The following STX1A variants were observed in gnomAD, a reference collection of about 807,000 sequenced individuals.
The protein encoded by STX1A is syntaxin 1A.
In STX1A, 4 loss-of-function variants were observed where a neutral mutation model predicts 37.8. The ratio of observed to expected loss-of-function variants is 0.11; its 90% confidence interval spans 0.05 to 0.24. The LOEUF (loss-of-function observed/expected upper bound fraction) is 0.24. STX1A is among the 10% of genes least tolerant of loss of function. STX1A has a pLI of 1.00. For missense variants in STX1A, 251 were observed against 399.9 expected, an observed-to-expected ratio of 0.63 and a Z score of 3.18; for synonymous variants, 135 against 147.4, an observed-to-expected ratio of 0.92 and a Z score of 0.61.
Position 73,702,353 on chromosome 7 carries a change from C to CTTCA in STX1A, c.678+488_678+491dup, listed in dbSNP as rs1409276485. ...TTGTCAGAGAGGCACCTTCCTGGAC[C>CTTCA]TTCACCTCAGCTGCCAGTCTCTGGG... On this transcript the variant is annotated intron_variant, in intron 8 of 9. Transcript: ENST00000222812. This position sits in a 1 kb window ranked among gnomAD's most constrained non-coding sequence, Gnocchi z 4.7. Among the ~76,000 whole-genome samples the CTTCA allele has an allele frequency of 2.6e-5, 4 of 152,176 alleles. No homozygotes were observed. Among genetic ancestry groups the CTTCA allele is most frequent in the African/African-American group, 9.7e-5 (4 of 41,432 alleles).
In STX1A at chr7:73,704,837, C is replaced by T. The variant is rs781887707; in HGVS notation, c.283+313G>A. ...GCACGTGTCTGTTCACCCAGAATACCGGGCTTCTGCAAGAGACCAGGAAGT... is the reference window on the plus strand; with the variant it reads ...GCACGTGTCTGTTCACCCAGAATACTGGGCTTCTGCAAGAGACCAGGAAGT... On this transcript the variant is annotated intron_variant, in intron 4 of 9. Transcript: ENST00000222812. The T allele has an allele frequency of 2.0e-4, 104 of 523,718 alleles. 1 individual carries two copies. The highest frequency in any genetic ancestry group is 3.2e-4 in the Non-Finnish European group (92 of 289,210). The allele number at this position is 523,718 out of a possible 1,614,324, so 32.4% of individuals were successfully genotyped here. A position where few individuals can be genotyped will look rare whatever the true frequency, so the allele number is the denominator to read the frequency against.
chr7:73,705,307 C>A lies in STX1A; in HGVS notation c.209-83G>T. ...AGGCTCAGCCTCCAGCCCAGGGGGC[C>A]CAGTGGGAGGCTCTGGGAAGATCCC... is the stretch of plus-strand genomic sequence containing the variant. On this transcript the variant is annotated intron_variant, in intron 3 of 9. Transcript: ENST00000222812. This position sits in a 1 kb window ranked among gnomAD's most constrained non-coding sequence, Gnocchi z 5.2. 8.6e-7 allele frequency: 1 copy of A among 1,156,434 alleles called. No individual in the cohort carries two copies. Among genetic ancestry groups the A allele is most frequent in the Non-Finnish European group, 1.3e-6 (1 of 769,396 alleles). The allele number at this position is 1,156,434 out of a possible 1,614,324, so 71.6% of individuals were successfully genotyped here.
chr7:73,700,615 T>G lies in STX1A; in HGVS notation c.789+115A>C. On this transcript the variant is annotated intron_variant, in intron 9 of 9. Coordinates refer to ENST00000222812, the MANE Select transcript of STX1A (RefSeq NM_004603.4). This position sits in a 1 kb window ranked among gnomAD's most constrained non-coding sequence, Gnocchi z 4.4. Reference sequence around the variant, plus strand: ...GGAAGGTGACGGCCTGGGAGGGGGCTGTCATGGGGAGCTCCTGAGAGAAGG... The same window carrying G: ...GGAAGGTGACGGCCTGGGAGGGGGCGGTCATGGGGAGCTCCTGAGAGAAGG... The G allele has an allele frequency of 6.7e-7, 1 of 1,487,682 alleles. No individual in the cohort carries two copies. Among genetic ancestry groups the G allele is most frequent in the Non-Finnish European group, 9.2e-7 (1 of 1,092,308 alleles). The allele number at this position is 1,487,682 out of a possible 1,614,324, so 92.2% of individuals were successfully genotyped here.
chr7:73,718,579 C>A (rs1799373849), intron 1 of STX1A, among the ~76,000 whole-genome samples: 1 of 151,970 alleles, frequency 6.6e-6, no homozygotes. Context: ...GACCAGATGA[C>A]CAGATGAGAC....
rs1798695642 is a variant in STX1A at position 73,702,494 on chromosome 7, G to A, written c.678+351C>T. On this transcript the variant is annotated intron_variant, in intron 8 of 9. Coordinates refer to ENST00000222812, the MANE Select transcript of STX1A (RefSeq NM_004603.4). The surrounding 1 kb of genome is among the most constrained non-coding windows in gnomAD (Gnocchi z 4.7). ...TTTGCCCAACAGCCATTCACTCCAG[G>A]AAGCAGGTCCCTGAGCTGTCCTGGT... The A allele has an allele frequency of 2.2e-6, 1 of 448,364 alleles. No individual in the cohort carries two copies. Among genetic ancestry groups the A allele is most frequent in the African/African-American group, 2.0e-5 (1 of 50,130 alleles). 27.8% of individuals were successfully genotyped at this position (448,364 alleles called of 1,614,324 possible).
chr7:73,710,078 C>T (rs28452991), intron 1 of STX1A, among the ~76,000 whole-genome samples: 12,200 of 152,170 alleles, frequency 0.08, 513 homozygotes, highest in Non-Finnish European at 0.091. Flanking sequence ...CCTTCCAGTC[C>T]CCAGACCTGG....
chr7:73,704,999 G>C (rs1798818921), intron 4 of STX1A, 151 bp downstream of exon 4: 2 of 785,262 alleles, frequency 2.5e-6, no homozygotes, highest in Non-Finnish European at 4.4e-6. Flanking sequence ...GCCTTGCCAA[G>C]TAGCTGCTGA....
At chr7:73,701,608 C>T (rs1220757078) in intron 8 of STX1A, among the ~76,000 whole-genome samples, 1 of 152,182 alleles carries the variant, frequency 6.6e-6, no homozygotes, top group Non-Finnish European at 1.5e-5. Flanking sequence ...CATGCTGCCC[C>T]CAGAGGCCAA....
chr7:73,701,520 C>CA (rs1181773042), intron 8 of STX1A, among the ~76,000 whole-genome samples: 2 of 147,042 alleles, frequency 1.4e-5, no homozygotes, highest in African/African-American at 5.0e-5. Context: ...GACTCCGTCT[C>CA]AAAAAAAGAA....
rs1554615422 is a variant in STX1A at position 73,699,273 on chromosome 7, C to T, written c.*1134G>A. 1 of 152,686 alleles carries T rather than the reference C, an allele frequency of 6.5e-6. No homozygotes were observed. Among genetic ancestry groups the T allele is most frequent in the Non-Finnish European group, 1.5e-5 (1 of 68,078 alleles). 9.5% of individuals were successfully genotyped at this position (152,686 alleles called of 1,614,324 possible). On this transcript the variant is annotated 3_prime_UTR_variant, in exon 10 of 10. Transcript: ENST00000222812. The stretch of plus-strand genomic sequence containing the variant: ...AAATGGGCAGCTGGTTGTACCAAGA[C>T]CTTTGGTGAAGGGGTTGGGGGGAAT...
chr7:73,714,933 T>C (rs1799237594), intron 1 of STX1A, among the ~76,000 whole-genome samples: 1 of 151,996 alleles, frequency 6.6e-6, no homozygotes, highest in African/African-American at 2.4e-5. Context: ...AAGAACAGCC[T>C]GGTCAACATG....
At position 73,705,415 on chromosome 7, in the gene STX1A, C is replaced by A; in HGVS notation, c.209-191G>T. Reference sequence around the variant, plus strand: ...TGGGCCAGGGCTGCACCAGCTGCAGCTTCACCCCCTCTTGTGCTGTCTTCG... The same window carrying A: ...TGGGCCAGGGCTGCACCAGCTGCAGATTCACCCCCTCTTGTGCTGTCTTCG... On this transcript the variant is annotated intron_variant, in intron 3 of 9. Transcript: ENST00000222812. This position sits in a 1 kb window ranked among gnomAD's most constrained non-coding sequence, Gnocchi z 5.2. 1 of 591,000 alleles carries A rather than the reference C, an allele frequency of 1.7e-6. No homozygotes were observed. The highest frequency in any genetic ancestry group is 3.0e-6 in the Non-Finnish European group (1 of 331,784). 36.6% of individuals were successfully genotyped at this position (591,000 alleles called of 1,614,324 possible).
At position 73,700,366 on chromosome 7, in the gene STX1A, G is replaced by C; in HGVS notation, c.*41C>G. 3 of 1,602,578 alleles carry C rather than the reference G, an allele frequency of 1.9e-6. No individual in the cohort carries two copies. The South Asian group carries it at 3.3e-5, about 18-fold the overall frequency. On this transcript the variant is annotated 3_prime_UTR_variant, in exon 10 of 10. Transcript: ENST00000222812. The surrounding 1 kb of genome is among the most constrained non-coding windows in gnomAD (Gnocchi z 4.4). ...AGGTGGCAGCAGCCAGGGCCTCCTT[G>C]GAGTGGCCCACCTGGAGTGGAGTGG...
Position 73,704,148 on chromosome 7 carries a change from T to C in STX1A, c.466A>G (p.Thr156Ala). The change falls in exon 6 of 10, where the codon ACC (threonine) becomes GCC (alanine). Residue 156 changes from threonine to alanine, a missense_variant and splice_region_variant. Thr to Ala is a moderately conservative substitution (Grantham distance 58). Coordinates refer to ENST00000222812, the MANE Select transcript of STX1A (RefSeq NM_004603.4). ...GCCCCAGGCCCCACCCCCAGCTCACTGATCTCCAGCTGCCTCTGGATGCGG... is the reference window on the plus strand; with the variant it reads ...GCCCCAGGCCCCACCCCCAGCTCACCGATCTCCAGCTGCCTCTGGATGCGG... The part of the protein sequence containing the change: ...KGRIQRQLEI[T>A]GRTTTSEELE... 1.1e-6 allele frequency: 1 copy of C among 933,588 alleles called. No individual in the cohort carries two copies. Among genetic ancestry groups the C allele is most frequent in the Non-Finnish European group, 1.6e-6 (1 of 621,914 alleles). 57.8% of individuals were successfully genotyped at this position (933,588 alleles called of 1,614,324 possible).
At chr7:73,703,500 G>A (rs1254568591) in intron 7 of STX1A, 7 of 684,012 alleles carry the variant, frequency 1.0e-5, no homozygotes, top group Non-Finnish European at 1.9e-5. Context: ...ACGGATAAGA[G>A]GAGGAGCCGC....
intron 2 of STX1A, 26 bp from the exon 3 acceptor site, chr7:73,708,714 G>A: frequency 6.2e-7 from 1 of 1,609,134 alleles, no homozygotes; most frequent in Non-Finnish European, 8.5e-7. Context: ...AGGTGGTCAG[G>A]AGAAGGAAAT....
intron 1 of STX1A, among the ~76,000 whole-genome samples, chr7:73,712,328 C>T (rs1177338654): frequency 1.3e-5 from 2 of 151,048 alleles, no homozygotes; most frequent in Non-Finnish European, 3.0e-5. Flanking sequence ...CCCACTCCCC[C>T]ACACCTACAA....
chr7:73,700,185 G>T lies in STX1A; in HGVS notation c.*222C>A. ...CACACTGCATCACGCCCCGCTGGCT[G>T]CCTCCCTCTGCCTCTTCCCGTACAG... On this transcript the variant is annotated 3_prime_UTR_variant, in exon 10 of 10. Coordinates refer to ENST00000222812, the MANE Select transcript of STX1A (RefSeq NM_004603.4). This position sits in a 1 kb window ranked among gnomAD's most constrained non-coding sequence, Gnocchi z 4.4. 1 of 602,498 alleles carries T rather than the reference G, an allele frequency of 1.7e-6. No homozygotes were observed. Among genetic ancestry groups the T allele is most frequent in the African/African-American group, 1.9e-5 (1 of 54,048 alleles). 37.3% of individuals were successfully genotyped at this position (602,498 alleles called of 1,614,324 possible). A position where few individuals can be genotyped will look rare whatever the true frequency, so the allele number is the denominator to read the frequency against.
At chr7:73,715,525 C>T (rs1799262484) in intron 1 of STX1A, among the ~76,000 whole-genome samples, 1 of 152,128 alleles carries the variant, frequency 6.6e-6, no homozygotes, top group Non-Finnish European at 1.5e-5. Context: ...AAGAACAGAC[C>T]CTGCTGGAAC....
Sources: gnomAD v4.1 joint callset for allele counts (sites outside exome capture counted in the v4.1 genomes callset) on GRCh38, gnomAD v4.1.1 for gene constraint, Gnocchi (gnomAD v3.1) non-coding constraint, MANE v1.5 for transcripts, NCBI Gene and HGNC (gene_info 2026-07-23, HGNC 2026-07-21) for gene names.